PLCG2: variants seen among roughly 807,000 people sequenced by gnomAD.
The protein encoded by PLCG2 is phospholipase C gamma 2.
A neutral mutation model predicts 175.6 loss-of-function variants in PLCG2; 69 were observed. That is an observed-to-expected ratio of 0.39 (90% CI 0.32 to 0.48). The LOEUF (loss-of-function observed/expected upper bound fraction) is 0.48. PLCG2 is among the 20% of genes least tolerant of loss of function. The probability of loss-of-function intolerance (pLI) is 0.91; values close to 1 mark genes in which losing one functional copy is unlikely to be tolerated. For synonymous variants in PLCG2, 827 were observed against 624.0 expected (o/e 1.33, Z -4.85); for missense variants, 1,798 against 1,650.9 (o/e 1.09, Z -1.54).
intron 2 of PLCG2, among the ~76,000 whole-genome samples, chr16:81,810,032 A>AC (rs1177824977): frequency 6.7e-6 from 1 of 149,436 alleles, no homozygotes; most frequent in Non-Finnish European, 1.5e-5. Context: ...TACCTGTGTC[A>AC]CCAGGCTGGA....
At chr16:81,933,531 G>C (rs998577025) in intron 25 of PLCG2, among the ~76,000 whole-genome samples, 1 of 151,902 alleles carries the variant, frequency 6.6e-6, no homozygotes, top group Non-Finnish European at 1.5e-5. Flanking sequence ...ATGGCTTGAG[G>C]GGTGACAGCT....
At chr16:81,923,323 G>C (rs1910132473) in intron 21 of PLCG2, 162 bp from the exon 22 acceptor site, 1 of 566,028 alleles carries the variant, frequency 1.8e-6, no homozygotes. Flanking sequence ...TGGGGCCTTC[G>C]ATCCTTTGCA....
chr16:81,773,012 C>G (rs1359695128), intron 2 of PLCG2, among the ~76,000 whole-genome samples: 1 of 152,214 alleles, frequency 6.6e-6, no homozygotes, highest in African/African-American at 2.4e-5. Flanking sequence ...TGGCCACATA[C>G]TCTTGGGCAT....
At chr16:81,928,673 G>A in intron 24 of PLCG2, 49 bp downstream of exon 24, 1 of 1,292,730 alleles carries the variant, frequency 7.7e-7, no homozygotes, top group Non-Finnish European at 1.1e-6. Flanking sequence ...TATCCCCCAT[G>A]GGCTGACCTC....
At chr16:81,940,822 T>C (rs186193409) in intron 30 of PLCG2, among the ~76,000 whole-genome samples, 146 of 152,320 alleles carry the variant, frequency 9.6e-4, no homozygotes, top group African/African-American at 3.3e-3. Context: ...ATAGTTTCTC[T>C]AGTTTACTTT....
intron 5 of PLCG2, 82 bp from the exon 6 acceptor site, chr16:81,869,132 A>T: frequency 1.0e-6 from 1 of 961,910 alleles, no homozygotes; most frequent in Non-Finnish European, 1.7e-6. Flanking sequence ...GGGCTGCCTG[A>T]GGTGGGAACT....
chr16:81,829,054 T>C (rs1304279792), intron 2 of PLCG2, among the ~76,000 whole-genome samples: 1 of 152,168 alleles, frequency 6.6e-6, no homozygotes, highest in Non-Finnish European at 1.5e-5. Flanking sequence ...CCCTCTGCCC[T>C]GTCTTTTTTG....
chr16:81,859,340 G>C (rs1175229215), intron 5 of PLCG2, 177 bp downstream of exon 5: 4 of 560,984 alleles, frequency 7.1e-6, no homozygotes, highest in Non-Finnish European at 1.3e-5. Flanking sequence ...CCTCCTCCTG[G>C]AGGGAGCCTC....
intron 8 of PLCG2, among the ~76,000 whole-genome samples, chr16:81,882,706 A>C (rs8043949): frequency 0.63 from 95,295 of 150,972 alleles, 30,194 homozygotes; most frequent in Admixed American, 0.7. Flanking sequence ...TTTCCTTGCC[A>C]GGTACTCTCT....
At chr16:81,796,010 G>C (rs1567468445) in intron 2 of PLCG2, among the ~76,000 whole-genome samples, 1 of 152,224 alleles carries the variant, frequency 6.6e-6, no homozygotes, top group Admixed American at 6.5e-5. Context: ...ATTTTGGAGG[G>C]TACAGAGGCA....
chr16:81,786,473 C>G (rs929209231), intron 2 of PLCG2, among the ~76,000 whole-genome samples: 8 of 152,216 alleles, frequency 5.3e-5, no homozygotes, highest in Non-Finnish European at 8.8e-5. Context: ...CCCTGTCTGA[C>G]AGCATCAGGG....
intron 31 of PLCG2, among the ~76,000 whole-genome samples, chr16:81,948,049 A>G (rs1911218729): frequency 6.8e-6 from 1 of 147,634 alleles, no homozygotes. Flanking sequence ...TTATGCTCCT[A>G]CTAACGGAGA....
chr16:81,879,947 C>T (rs1907997614), intron 7 of PLCG2, among the ~76,000 whole-genome samples: 1 of 152,204 alleles, frequency 6.6e-6, no homozygotes, highest in Non-Finnish European at 1.5e-5. Context: ...ATTAGAAATG[C>T]ATCTTTGAAA....
At chr16:81,768,410 T>G (rs1252987434) in intron 2 of PLCG2, among the ~76,000 whole-genome samples, 5 of 152,210 alleles carry the variant, frequency 3.3e-5, no homozygotes, top group Admixed American at 2.6e-4. Flanking sequence ...CTTAGGTAAA[T>G]ACAGGTGAGT....
At chr16:81,745,239 T>C (rs1909681023) in intron 1 of PLCG2, among the ~76,000 whole-genome samples, 2 of 152,130 alleles carry the variant, frequency 1.3e-5, no homozygotes, top group African/African-American at 4.8e-5. Context: ...CTCCCACTGA[T>C]TGGCCGGGAA....
At chr16:81,790,182 C>T (rs1911168684) in intron 2 of PLCG2, among the ~76,000 whole-genome samples, 1 of 152,172 alleles carries the variant, frequency 6.6e-6, no homozygotes, top group African/African-American at 2.4e-5. Context: ...GACAGGCACT[C>T]AGTTGTTGGG....
chr16:81,751,076 G>T (rs571588930), intron 1 of PLCG2, among the ~76,000 whole-genome samples: 1 of 146,804 alleles, frequency 6.8e-6, no homozygotes, highest in Non-Finnish European at 1.5e-5. Context: ...CACCTCCAGG[G>T]TTTAAGTGAT....
intron 14 of PLCG2, 146 bp from the exon 15 acceptor site, chr16:81,905,257 G>T (rs1909316345): frequency 4.7e-6 from 3 of 636,516 alleles, no homozygotes. Context: ...CTGGAGGGCA[G>T]AGCTGAACAG....
chr16:81,908,647 C>A, intron 17 of PLCG2, 56 bp downstream of exon 17: 2 of 1,483,504 alleles, frequency 1.3e-6, no homozygotes, highest in Non-Finnish European at 1.8e-6. Flanking sequence ...ACCGATGAGG[C>A]AGGGTGGCGA....
Sources: gnomAD v4.1 joint callset for allele counts (sites outside exome capture counted in the v4.1 genomes callset) on GRCh38, gnomAD v4.1.1 for gene constraint, MANE v1.5 for transcripts, NCBI Gene and HGNC (gene_info 2026-07-23, HGNC 2026-07-21) for gene names.